ABCF2: variants seen among roughly 807,000 people sequenced by gnomAD.
The protein encoded by ABCF2 is ATP-binding cassette sub-family F member 2.
A neutral mutation model predicts 76.9 loss-of-function variants in ABCF2; 37 were observed. The observed-to-expected ratio is 0.48, with a 90% CI of 0.37 to 0.63. The LOEUF (loss-of-function observed/expected upper bound fraction) is 0.63, where lower values mean the gene tolerates loss of function less well. Ranked by LOEUF, ABCF2 falls within the 30% of genes least tolerant of loss-of-function variation. The pLI is 0.00. For missense variants in ABCF2, 524 were observed against 782.1 expected (o/e 0.67, Z 3.94); for synonymous variants, 299 against 283.7 (o/e 1.05, Z -0.54).
chr7:151,212,602 G>T lies in ABCF2; in HGVS notation c.*1452C>A. ...GCCTCAACCTCCTGGGCTCAAGTGA[G>T]CCTCCTCTTATCAGAGCAGCTGGGA... On this transcript the variant is annotated 3_prime_UTR_variant, in exon 15 of 15. Coordinates refer to ENST00000287844, the MANE Select transcript of ABCF2 (RefSeq NM_007189.3). The T allele has an allele frequency of 1.7e-6, 1 of 574,780 alleles. No individual in the cohort carries two copies. Among genetic ancestry groups the T allele is most frequent in the Non-Finnish European group, 2.2e-6 (1 of 455,532 alleles). 35.6% of individuals were successfully genotyped at this position (574,780 alleles called of 1,614,324 possible). A position where few individuals can be genotyped will look rare whatever the true frequency, so the allele number is the denominator to read the frequency against.
At chr7:151,223,884 G>C (rs375596974) in intron 4 of ABCF2, 35 bp from the exon 5 acceptor site, 1 of 1,605,338 alleles carries the variant, frequency 6.2e-7, no homozygotes. Context: ...GCTCCTGGGG[G>C]CCTTTCTGGG....
intron 1 of ABCF2, 116 bp from the exon 2 acceptor site, chr7:151,226,616 C>A: frequency 5.3e-6 from 4 of 750,518 alleles, no homozygotes; most frequent in Non-Finnish European, 8.3e-6. Flanking sequence ...GATGCCCTGG[C>A]CTGCCCCCGC....
At chr7:151,219,272 A>G (rs1233423861) in intron 7 of ABCF2, 113 bp from the exon 8 acceptor site, 5 of 851,624 alleles carry the variant, frequency 5.9e-6, no homozygotes, top group African/African-American at 1.6e-5. Flanking sequence ...CCTGGCTCTA[A>G]GGCTGTGCAG....
At position 151,212,465 on chromosome 7, in the gene ABCF2, T is replaced by C; in HGVS notation, c.*1589A>G. ...TCTGCACCTCTCTCATTCTACCAAA[T>C]GCGATTAATCAATAGGTCTGATGCT... On this transcript the variant is annotated 3_prime_UTR_variant, in exon 15 of 15. Coordinates refer to ENST00000287844, the MANE Select transcript of ABCF2 (RefSeq NM_007189.3). 1.0e-6 allele frequency: 1 copy of C among 985,476 alleles called. No homozygotes were observed. The highest frequency in any genetic ancestry group is 1.2e-6 in the Non-Finnish European group (1 of 829,936). The allele number at this position is 985,476 out of a possible 1,614,324, so 61.0% of individuals were successfully genotyped here. A position where few individuals can be genotyped will look rare whatever the true frequency, so the allele number is the denominator to read the frequency against.
At chr7:151,227,090 C>T (rs1802389616) in intron 1 of ABCF2, 73 bp downstream of exon 1, 1 of 152,006 alleles carries the variant, frequency 6.6e-6, no homozygotes, top group Non-Finnish European at 1.5e-5. Flanking sequence ...CCCGTCCCTG[C>T]TTCCTCTTCT....
intron 11 of ABCF2, among the ~76,000 whole-genome samples, chr7:151,216,425 C>G (rs1323773756): frequency 2.0e-5 from 3 of 152,172 alleles, no homozygotes; most frequent in Non-Finnish European, 2.9e-5. Context: ...CAACATATAG[C>G]AAAACTAATT....
Position 151,224,793 on chromosome 7 carries a change from A to C in ABCF2, c.350T>G (p.Ile117Ser). ...GGCCTCACCAATTCCATTTAAACCA[A>C]TGAGGCCATAACGACGGCCTGAGTT... ...ELNSGRRYGL[I>S]GLNGIGKSML... Residue 117 changes from isoleucine (I) to serine (S), a missense_variant, in exon 3 of 15, where the codon ATT becomes AGT. This residue lies in a region of ABCF2 where 330 missense variants were observed against 433.6 expected (regional missense o/e 0.76). Transcript: ENST00000287844. 1 of 1,614,138 alleles carries C rather than the reference A, an allele frequency of 6.2e-7. No homozygotes were observed. Among genetic ancestry groups the C allele is most frequent in the Non-Finnish European group, 8.5e-7 (1 of 1,179,990 alleles).
In ABCF2 at chr7:151,219,077, A is replaced by G; in HGVS notation, c.1004T>C (p.Ile335Thr). Residue 335 changes from isoleucine to threonine, a missense_variant, in exon 8 of 15, where the codon ATT (isoleucine) becomes ACT (threonine). Around this residue, in one of 2 missense-constraint regions of ABCF2, gnomAD observed 330 missense variants for 433.6 expected, o/e 0.76. Coordinates refer to ENST00000287844, the MANE Select transcript of ABCF2 (RefSeq NM_007189.3). The stretch of plus-strand genomic sequence containing the variant: ...CAGTCTCCCTACCTTCATGTGTGCA[A>G]TCTGATCTTGCTCCCAGTGAAACCT... ...MKRFHWEQDQ[I>T]AHMKNYIARF... The G allele has an allele frequency of 1.2e-6, 2 of 1,613,980 alleles. No homozygotes were observed. Among genetic ancestry groups the G allele is most frequent in the East Asian group, 2.2e-5 (1 of 44,850 alleles).
Position 151,213,922 on chromosome 7 carries a change from A to G in ABCF2, c.*132T>C, listed in dbSNP as rs1163593457. 1 of 1,488,674 alleles carries G rather than the reference A, an allele frequency of 6.7e-7. No homozygotes were observed. Among genetic ancestry groups the G allele is most frequent in the South Asian group, 1.4e-5 (1 of 71,778 alleles). 92.2% of individuals were successfully genotyped at this position (1,488,674 alleles called of 1,614,324 possible). A position where few individuals can be genotyped will look rare whatever the true frequency, so the allele number is the denominator to read the frequency against. ...GTGCAGCTAAGGCAGGTTGAGGGGC[A>G]GGGGAGAGGCTGGGGGAGCAGTATT... On this transcript the variant is annotated 3_prime_UTR_variant, in exon 15 of 15. Coordinates refer to ENST00000287844, the MANE Select transcript of ABCF2 (RefSeq NM_007189.3).
In ABCF2 at chr7:151,213,252, T is replaced by C; in HGVS notation, c.*802A>G. ...CCAAAACCTATTGAACCAGAAACGC[T>C]GAGGCGAGATCTGGCAATCTGATTG... On this transcript the variant is annotated 3_prime_UTR_variant, in exon 15 of 15. Coordinates refer to ENST00000287844, the MANE Select transcript of ABCF2 (RefSeq NM_007189.3). The C allele has an allele frequency of 4.1e-6, 4 of 975,846 alleles. No homozygotes were observed. Among genetic ancestry groups the C allele is most frequent in the Non-Finnish European group, 4.9e-6 (4 of 821,286 alleles). 60.4% of individuals were successfully genotyped at this position (975,846 alleles called of 1,614,324 possible).
chr7:151,225,966 T>C (rs1211472821), intron 2 of ABCF2, among the ~76,000 whole-genome samples: 1 of 152,216 alleles, frequency 6.6e-6, no homozygotes, highest in Non-Finnish European at 1.5e-5. Flanking sequence ...GCTTATTGTA[T>C]AATGTAGCAA....
chr7:151,218,404 G>C (rs928517295), intron 10 of ABCF2, among the ~76,000 whole-genome samples, 157 bp downstream of exon 10: 1 of 152,002 alleles, frequency 6.6e-6, no homozygotes, highest in Non-Finnish European at 1.5e-5. Flanking sequence ...AAAGGCCCGC[G>C]AGCAGCCTTG....
At position 151,223,667 on chromosome 7, in the gene ABCF2, G is replaced by A; in HGVS notation, c.722+11C>T. 8.2e-6 allele frequency: 13 copies of A among 1,583,020 alleles called. No individual in the cohort carries two copies. Among genetic ancestry groups the A allele is most frequent in the Non-Finnish European group, 1.1e-5 (13 of 1,160,246 alleles). ...GGAGTTATGGGGGTAGGGAAGGAGG[G>A]AGGGACTCACCTGGCAAGGGCAACC... On this transcript the variant is annotated intron_variant, in intron 5 of 14. Coordinates refer to ENST00000287844, the MANE Select transcript of ABCF2 (RefSeq NM_007189.3).
chr7:151,216,752 G>C (rs1802159925), intron 11 of ABCF2, among the ~76,000 whole-genome samples: 1 of 152,160 alleles, frequency 6.6e-6, no homozygotes, highest in African/African-American at 2.4e-5. Flanking sequence ...GATCTCAAGT[G>C]ATCTGCCTGC....
Position 151,213,658 on chromosome 7 carries a change from G to C in ABCF2, c.*396C>G, listed in dbSNP as rs66608097. 103,511 of 1,010,630 alleles carry C rather than the reference G, an allele frequency of 0.1. 5,632 individuals are homozygous for C. The highest frequency in any genetic ancestry group is 0.12 in the Admixed American group (1,985 of 16,892). The allele number at this position is 1,010,630 out of a possible 1,614,324, so 62.6% of individuals were successfully genotyped here. A position where few individuals can be genotyped will look rare whatever the true frequency, so the allele number is the denominator to read the frequency against. On this transcript the variant is annotated 3_prime_UTR_variant, in exon 15 of 15. Coordinates refer to ENST00000287844, the MANE Select transcript of ABCF2 (RefSeq NM_007189.3). The stretch of plus-strand genomic sequence containing the variant: ...CAAAAAGGAATCGGGGCGGTGGGCT[G>C]GGGGGTACTCCTCCAACATCACCAA...
At position 151,212,531 on chromosome 7, in the gene ABCF2, G is replaced by C. The variant is rs897917; in HGVS notation, c.*1523C>G. The C allele has an allele frequency of 0.4, 396,229 of 978,972 alleles. 81,778 individuals carry two copies. The highest frequency in any genetic ancestry group is 0.72 in the East Asian group (6,319 of 8,798). The allele number at this position is 978,972 out of a possible 1,614,324, so 60.6% of individuals were successfully genotyped here. A position where few individuals can be genotyped will look rare whatever the true frequency, so the allele number is the denominator to read the frequency against. On this transcript the variant is annotated 3_prime_UTR_variant, in exon 15 of 15. Transcript: ENST00000287844. ...TTTTATTTTTTTGAGACAGTGTCTC[G>C]GTCTGTCATCAGGCTGGAGTGTAGC...
In ABCF2 at chr7:151,213,078, G is replaced by A. The variant is rs147398074; in HGVS notation, c.*976C>T. The A allele has an allele frequency of 2.7e-4, 265 of 985,402 alleles. No homozygotes were observed. In the African/African-American group the frequency reaches 4.5e-3, roughly 17 times the overall value. 61.0% of individuals were successfully genotyped at this position (985,402 alleles called of 1,614,324 possible). On this transcript the variant is annotated 3_prime_UTR_variant, in exon 15 of 15. Transcript: ENST00000287844. The stretch of plus-strand genomic sequence containing the variant: ...CGCACCTGGCCTGCATTTTTAACAA[G>A]CAGCCCAACTGCTGTGCAGTTGGGG...
At chr7:151,218,494 C>A in intron 10 of ABCF2, 67 bp downstream of exon 10, 1 of 1,389,000 alleles carries the variant, frequency 7.2e-7, no homozygotes, top group Non-Finnish European at 1.0e-6. Context: ...AGAACAGGAG[C>A]AACTCCCATG....
intron 6 of ABCF2, 28 bp downstream of exon 6, chr7:151,222,493 G>A (rs912557095): frequency 1.3e-5 from 21 of 1,585,706 alleles, no homozygotes; most frequent in East Asian, 4.5e-5. Flanking sequence ...GGACCTGCCC[G>A]CTCACATCCC....
Sources: allele counts gnomAD v4.1 joint callset (sites outside exome capture counted in the v4.1 genomes callset), GRCh38; gene constraint gnomAD v4.1.1; regional missense constraint gnomAD v4.1.1; transcripts MANE v1.5; gene names NCBI Gene and HGNC (gene_info 2026-07-23, HGNC 2026-07-21).